The following BMERB1 variants were observed in gnomAD, a reference collection of about 807,000 sequenced individuals.
The protein encoded by BMERB1 is bMERB domain-containing protein 1.
In BMERB1, 12 loss-of-function variants were observed where a neutral mutation model predicts 23.6. The ratio of observed to expected loss-of-function variants is 0.51; its 90% confidence interval spans 0.33 to 0.82. BMERB1 has a LOEUF of 0.82. BMERB1 is among the 40% of genes least tolerant of loss of function. The pLI, the probability that BMERB1 is intolerant of heterozygous loss-of-function variation, is 0.03. For synonymous variants in BMERB1, 122 were observed against 96.6 expected, an observed-to-expected ratio of 1.26 and a Z score of -1.54; for missense variants, 247 against 255.4, an observed-to-expected ratio of 0.97 and a Z score of 0.22.
At chr16:15,506,213 T>C (rs1037379477) in intron 1 of BMERB1, among the ~76,000 whole-genome samples, 2 of 152,028 alleles carry the variant, frequency 1.3e-5, no homozygotes, top group Non-Finnish European at 2.9e-5. Flanking sequence ...TCTTGCTCTG[T>C]CACCCAGGCT....
At chr16:15,576,506 CA>C (rs2030864049) in intron 3 of BMERB1, among the ~76,000 whole-genome samples, 1 of 152,124 alleles carries the variant, frequency 6.6e-6, no homozygotes, top group African/African-American at 2.4e-5. Flanking sequence ...ACAAAACAAA[CA>C]ATTACTGGAA....
Position 15,438,146 on chromosome 16 carries a change from G to A in BMERB1, c.106+3387G>A, listed in dbSNP as rs145974532. On this transcript the variant is annotated intron_variant, in intron 1 of 5. Transcript: ENST00000300006. ...CTGTCCCCCAGGCTGGAGTGCAGTG[G>A]CATGATCTCAGCTCACTGCAACCTC... Among the ~76,000 whole-genome samples, 529 of 151,744 alleles carry A rather than the reference G, an allele frequency of 3.5e-3. 3 individuals carry two copies. The highest frequency in any genetic ancestry group is 0.012 in the African/African-American group (503 of 41,418).
chr16:15,571,251 G>T (rs995005244), intron 3 of BMERB1, among the ~76,000 whole-genome samples: 10 of 152,154 alleles, frequency 6.6e-5, no homozygotes, highest in Non-Finnish European at 4.4e-5. Flanking sequence ...CGAGGTCAGG[G>T]GGGTGTGCAA....
At chr16:15,500,778 A>T (rs2051519720) in intron 1 of BMERB1, among the ~76,000 whole-genome samples, 1 of 152,152 alleles carries the variant, frequency 6.6e-6, no homozygotes, top group Non-Finnish European at 1.5e-5. Flanking sequence ...CAGCCTCCCA[A>T]GTAGCTGGGA....
intron 2 of BMERB1, among the ~76,000 whole-genome samples, chr16:15,547,013 CT>C (rs34983068): frequency 0.31 from 40,759 of 129,680 alleles, 5,796 homozygotes; most frequent in African/African-American, 0.55. Flanking sequence ...GCTCTTTTAG[CT>C]TTTTTTTTTT....
chr16:15,503,240 A>G (rs556150808), intron 1 of BMERB1, among the ~76,000 whole-genome samples: 16 of 152,266 alleles, frequency 1.1e-4, no homozygotes, highest in East Asian at 3.9e-4. Flanking sequence ...TGGGGCTTCT[A>G]TGCAAATATT....
At chr16:15,570,156 T>C (rs1336031939) in intron 3 of BMERB1, among the ~76,000 whole-genome samples, 3 of 152,130 alleles carry the variant, frequency 2.0e-5, no homozygotes. Context: ...ACTTGAATGT[T>C]TTTGCCATGC....
chr16:15,469,411 A>G (rs1007412803), intron 1 of BMERB1, among the ~76,000 whole-genome samples: 1 of 152,208 alleles, frequency 6.6e-6, no homozygotes, highest in Non-Finnish European at 1.5e-5. Context: ...GGTATATGTA[A>G]TCATTTGTGA....
rs62036872 is a variant in BMERB1, at chr16:15,580,641, G to A, written c.305-576G>A. On this transcript the variant is annotated intron_variant, in intron 3 of 5. Transcript: ENST00000300006. ...CAGCTCACTGCAAGCTCCACCTCCCGGGTTCATGTCATTCTCCTGCCTCAG... is the reference window on the plus strand; with the variant it reads ...CAGCTCACTGCAAGCTCCACCTCCCAGGTTCATGTCATTCTCCTGCCTCAG... Among the ~76,000 whole-genome samples, 548 of 148,068 alleles carry A rather than the reference G, an allele frequency of 3.7e-3. 1 individual carries two copies. The highest frequency in any genetic ancestry group is 9.1e-3 in the Admixed American group (134 of 14,764).
At chr16:15,443,131 C>T (rs2050955627) in intron 1 of BMERB1, among the ~76,000 whole-genome samples, 2 of 152,014 alleles carry the variant, frequency 1.3e-5, no homozygotes, top group South Asian at 4.2e-4. Context: ...ATCTGTAATC[C>T]CAGCTACTCT....
chr16:15,468,392 C>T (rs1408187251), intron 1 of BMERB1, among the ~76,000 whole-genome samples: 2 of 151,938 alleles, frequency 1.3e-5, no homozygotes, highest in Non-Finnish European at 2.9e-5. Context: ...GTGATCCACC[C>T]ACTTGTCTTC....
chr16:15,579,989 A>T (rs1426626690), intron 3 of BMERB1, among the ~76,000 whole-genome samples: 2 of 152,180 alleles, frequency 1.3e-5, no homozygotes, highest in East Asian at 3.9e-4. Flanking sequence ...AACGTGGGCC[A>T]TGGTGGCTTG....
intron 1 of BMERB1, among the ~76,000 whole-genome samples, chr16:15,472,933 C>G (rs1488586027): frequency 2.0e-5 from 3 of 147,600 alleles, no homozygotes; most frequent in African/African-American, 7.5e-5. Context: ...TGACTTGGCT[C>G]ACTGCAACCT....
At chr16:15,576,684 A>G (rs566050700) in intron 3 of BMERB1, among the ~76,000 whole-genome samples, 6 of 152,036 alleles carry the variant, frequency 3.9e-5, no homozygotes, top group Non-Finnish European at 7.4e-5. Context: ...CGAGGTGTCA[A>G]CAGGGCCTTG....
chr16:15,484,027 A>G (rs996350505), intron 1 of BMERB1, among the ~76,000 whole-genome samples: 1 of 152,222 alleles, frequency 6.6e-6, no homozygotes, highest in Non-Finnish European at 1.5e-5. Flanking sequence ...GTGAAGGGGA[A>G]CAGACATCAC....
chr16:15,552,138 G>T (rs2030109184), intron 2 of BMERB1, among the ~76,000 whole-genome samples: 1 of 151,620 alleles, frequency 6.6e-6, no homozygotes, highest in Non-Finnish European at 1.5e-5. Context: ...GAGTCTGGGG[G>T]AAAAAAAATC....
At chr16:15,443,712 G>A (rs535948931) in intron 1 of BMERB1, among the ~76,000 whole-genome samples, 1 of 152,244 alleles carries the variant, frequency 6.6e-6, no homozygotes, top group Non-Finnish European at 1.5e-5. Context: ...GAGGTCAGGA[G>A]TTCGAGACCA....
chr16:15,531,234 C>G (rs2051964491), intron 2 of BMERB1, among the ~76,000 whole-genome samples: 1 of 151,998 alleles, frequency 6.6e-6, no homozygotes, highest in African/African-American at 2.4e-5. Context: ...ACAAGTTACT[C>G]CTTCTCGGGT....
chr16:15,477,663 G>C (rs1191219380), intron 1 of BMERB1, among the ~76,000 whole-genome samples: 1 of 151,718 alleles, frequency 6.6e-6, no homozygotes, highest in African/African-American at 2.4e-5. Context: ...TCCTGTTGCT[G>C]GTTTTCTTTC....
Sources: allele counts gnomAD v4.1 joint callset (sites outside exome capture counted in the v4.1 genomes callset), GRCh38; gene constraint gnomAD v4.1.1; transcripts MANE v1.5; gene names NCBI Gene and HGNC (gene_info 2026-07-23, HGNC 2026-07-21).